Variants in MTX2 observed in about 807,000 individuals in gnomAD.
MTX2 encodes metaxin-2.
In MTX2, 35 loss-of-function variants were observed where a neutral mutation model predicts 42.3. The ratio of observed to expected loss-of-function variants is 0.83; its 90% CI spans 0.63 to 1.10. MTX2 has a LOEUF of 1.10. Among genes scored for constraint, MTX2 ranks in the 50% least tolerant of loss-of-function variants. The probability of loss-of-function intolerance (pLI) is 0.00; values close to 1 mark genes in which losing one functional copy is unlikely to be tolerated. For missense variants in MTX2, 307 were observed against 304.1 expected (o/e 1.01, Z -0.07); for synonymous variants, 119 against 100.9 (o/e 1.18, Z -1.08).
intron 3 of MTX2, among the ~76,000 whole-genome samples, chr2:176,321,789 G>C (rs976441898): frequency 2.6e-5 from 4 of 152,180 alleles, no homozygotes; most frequent in Non-Finnish European, 4.4e-5. Context: ...ATTTTAGGCA[G>C]CCTTGTGTGC....
At chr2:176,303,981 A>T (rs944244666) in intron 3 of MTX2, among the ~76,000 whole-genome samples, 1 of 152,066 alleles carries the variant, frequency 6.6e-6, no homozygotes, top group East Asian at 1.9e-4. Flanking sequence ...GCTATTAAAC[A>T]GAACCATAAA....
intron 8 of MTX2, among the ~76,000 whole-genome samples, chr2:176,330,088 A>G (rs1684823829): frequency 6.6e-6 from 1 of 151,094 alleles, no homozygotes; most frequent in South Asian, 2.1e-4. Flanking sequence ...TCAGTAAATG[A>G]ATAGGGATAG....
At chr2:176,319,953 G>T (rs1414323262) in intron 3 of MTX2, among the ~76,000 whole-genome samples, 20 of 152,020 alleles carry the variant, frequency 1.3e-4, no homozygotes, top group Admixed American at 1.3e-3. Flanking sequence ...TCCCTCCTCG[G>T]CCTCTGGAAG....
chr2:176,292,024 T>C (rs1267751910), intron 1 of MTX2, among the ~76,000 whole-genome samples: 1 of 152,186 alleles, frequency 6.6e-6, no homozygotes, highest in African/African-American at 2.4e-5. Flanking sequence ...ACATAACTAT[T>C]GATGTGTCTT....
At chr2:176,323,522 T>C (rs1684634489) in intron 4 of MTX2, 58 bp downstream of exon 4, 2 of 1,467,282 alleles carry the variant, frequency 1.4e-6, no homozygotes, top group South Asian at 1.2e-5. Flanking sequence ...ATTATAGTGA[T>C]AGTCCAGTTT....
intron 9 of MTX2, among the ~76,000 whole-genome samples, chr2:176,331,386 G>A (rs1403993): frequency 0.58 from 87,380 of 150,584 alleles, 25,561 homozygotes; most frequent in Admixed American, 0.65. Flanking sequence ...TAGAAAGTCT[G>A]ACCTTTTCTT....
chr2:176,305,507 A>C (rs923033143), intron 3 of MTX2, among the ~76,000 whole-genome samples: 1 of 152,150 alleles, frequency 6.6e-6, no homozygotes, highest in Non-Finnish European at 1.5e-5. Flanking sequence ...CTACAACTTT[A>C]TGAAAGTTGT....
At chr2:176,294,931 GCTAA>G (rs570896538) in intron 1 of MTX2, among the ~76,000 whole-genome samples, 18 of 152,232 alleles carry the variant, frequency 1.2e-4, no homozygotes, top group East Asian at 3.9e-4. Flanking sequence ...GCACAAAATA[GCTAA>G]CTAAGAGTTA....
intron 1 of MTX2, among the ~76,000 whole-genome samples, chr2:176,269,875 A>G (rs1269372360): frequency 1.3e-5 from 2 of 152,156 alleles, no homozygotes; most frequent in African/African-American, 2.4e-5. Context: ...CCGCAGGAGC[A>G]GGAGTCCCGT....
At chr2:176,275,635 A>G (rs7589276) in intron 1 of MTX2, among the ~76,000 whole-genome samples, 1 of 151,956 alleles carries the variant, frequency 6.6e-6, no homozygotes, top group Non-Finnish European at 1.5e-5. Context: ...TTTTTAATGG[A>G]GAGATTTTTC....
At chr2:176,325,797 A>AGAAG (rs1211362744) in intron 4 of MTX2, among the ~76,000 whole-genome samples, 2 of 151,854 alleles carry the variant, frequency 1.3e-5, no homozygotes, top group East Asian at 1.9e-4. Context: ...ATAAAGCAGT[A>AGAAG]GAAGGAAGGA....
At chr2:176,328,525 T>G (rs1404528690) in intron 6 of MTX2, 140 bp downstream of exon 6, 1 of 569,508 alleles carries the variant, frequency 1.8e-6, no homozygotes, top group Non-Finnish European at 3.0e-6. Flanking sequence ...ACCTAAATTA[T>G]TTGATTATTA....
At chr2:176,319,308 A>G (rs996160883) in intron 3 of MTX2, among the ~76,000 whole-genome samples, 19 of 152,176 alleles carry the variant, frequency 1.2e-4, no homozygotes, top group African/African-American at 3.9e-4. Flanking sequence ...GTCAAAGCGG[A>G]AGGTGACAGT....
chr2:176,296,617 C>T (rs2105413151), intron 1 of MTX2, among the ~76,000 whole-genome samples: 1 of 152,018 alleles, frequency 6.6e-6, no homozygotes, highest in Non-Finnish European at 1.5e-5. Context: ...AAGGTATCTT[C>T]CCCTCTTCCC....
intron 5 of MTX2, among the ~76,000 whole-genome samples, chr2:176,327,552 A>C (rs1233382688): frequency 6.8e-6 from 1 of 147,886 alleles, no homozygotes; most frequent in Non-Finnish European, 1.5e-5. Flanking sequence ...ATATATATAT[A>C]TCTCCAAAAT....
chr2:176,269,859 G>A lies in MTX2; in HGVS notation c.40+190G>A, dbSNP rs145628668. The stretch of plus-strand genomic sequence containing the variant: ...ACTGAGAAGGAGACACTTGGCCAAG[G>A]TCACCCCGCAGGAGCAGGAGTCCCG... On this transcript the variant is annotated intron_variant, in intron 1 of 9. Coordinates refer to ENST00000249442, the MANE Select transcript of MTX2 (RefSeq NM_006554.5). Among the ~76,000 whole-genome samples the A allele has an allele frequency of 5.8e-3, 880 of 152,258 alleles. 4 individuals carry two copies. The highest frequency in any genetic ancestry group is 0.02 in the African/African-American group (828 of 41,562).
chr2:176,319,107 GAGGAATAAGAGTT>G (rs1262016817), intron 3 of MTX2, among the ~76,000 whole-genome samples: 1 of 152,134 alleles, frequency 6.6e-6, no homozygotes, highest in Non-Finnish European at 1.5e-5. Context: ...GTATTCAACC[GAGGAATAAGAGTT>G]AGCTGAGTTG....
At chr2:176,270,666 G>A (rs1180164896) in intron 1 of MTX2, among the ~76,000 whole-genome samples, 2 of 152,102 alleles carry the variant, frequency 1.3e-5, no homozygotes, top group East Asian at 1.9e-4. Flanking sequence ...AAAATTTGCC[G>A]GAATGTTTTT....
intron 3 of MTX2, among the ~76,000 whole-genome samples, chr2:176,320,435 A>G (rs1358983238): frequency 1.3e-5 from 2 of 152,118 alleles, no homozygotes; most frequent in Non-Finnish European, 2.9e-5. Context: ...GGCCTTTGAG[A>G]AGATATATTA....
Sources: gnomAD v4.1 joint callset for allele counts (sites outside exome capture counted in the v4.1 genomes callset) on GRCh38, gnomAD v4.1.1 for gene constraint, MANE v1.5 for transcripts, NCBI Gene and HGNC (gene_info 2026-07-23, HGNC 2026-07-21) for gene names.